RIMBP2: variants seen among roughly 807,000 people sequenced by gnomAD.
RIMBP2 encodes the protein RIMS-binding protein 2.
In RIMBP2, 48 loss-of-function variants were observed where a neutral mutation model predicts 118.6. The ratio of observed to expected loss-of-function variants is 0.40; its 90% CI spans 0.32 to 0.51. RIMBP2 has a LOEUF of 0.51. Among genes scored for constraint, RIMBP2 ranks in the 20% least tolerant of loss-of-function variants. RIMBP2 has a pLI of 0.41. For missense variants in RIMBP2, 1,551 were observed against 1,768.3 expected, an observed-to-expected ratio of 0.88 and a Z score of 2.20; for synonymous variants, 762 against 742.9, an observed-to-expected ratio of 1.03 and a Z score of -0.42.
rs571921796 is a variant in RIMBP2 at position 130,541,163 on chromosome 12, C to T, written c.-216-23246G>A. 3.9e-5 allele frequency among the ~76,000 whole-genome samples: 6 copies of T among 152,344 alleles called. No homozygotes were observed. The South Asian group carries it at 1.2e-3, about 32-fold the overall frequency. ...ATCAAAAGAAAATGAGCAGAGCACA[C>T]TGCACTCCTGGGCAATCTCTGTCTA... On this transcript the variant is annotated intron_variant, in intron 2 of 22. Coordinates refer to ENST00000690449, the MANE Select transcript of RIMBP2 (RefSeq NM_001393629.1).
At chr12:130,686,067 C>T (rs1454989496) in intron 1 of RIMBP2, among the ~76,000 whole-genome samples, 1 of 152,132 alleles carries the variant, frequency 6.6e-6, no homozygotes, top group African/African-American at 2.4e-5. Context: ...CACCGCACAC[C>T]GCCCGGCACC....
chr12:130,705,458 G>A (rs1566471242), intron 1 of RIMBP2, among the ~76,000 whole-genome samples: 1 of 152,196 alleles, frequency 6.6e-6, no homozygotes, highest in Non-Finnish European at 1.5e-5. Context: ...CGTGACTGTG[G>A]GCCACAGAAG....
chr12:130,447,065 T>A lies in RIMBP2; in HGVS notation c.582-1796A>T, dbSNP rs116864309. Among the ~76,000 whole-genome samples the A allele has an allele frequency of 7.4e-4, 110 of 147,992 alleles. 1 individual carries two copies. The East Asian group carries it at 0.022, about 29-fold the overall frequency. On this transcript the variant is annotated intron_variant, in intron 9 of 22. Transcript: ENST00000690449. This position sits in a 1 kb window ranked among gnomAD's most constrained non-coding sequence, Gnocchi z 4.4. ...GGCCGAGACACAGAAGCTGGCAGAG[T>A]GTTCTCGGAGGAGGAGGAGGAGGAG...
Position 130,486,773 on chromosome 12 carries a change from C to T in RIMBP2, c.-3-7757G>A, listed in dbSNP as rs566624504. Among the ~76,000 whole-genome samples, 7 of 152,176 alleles carry T rather than the reference C, an allele frequency of 4.6e-5. No homozygotes were observed. The East Asian group carries it at 5.8e-4, about 13-fold the overall frequency. On this transcript the variant is annotated intron_variant, in intron 4 of 22. Coordinates refer to ENST00000690449, the MANE Select transcript of RIMBP2 (RefSeq NM_001393629.1). Reference sequence around the variant, plus strand: ...CCAAACTCCCCCCACCCATGTCTGCCGTTCTCTCCTGTGTCCAACGCTGCC... The same window carrying T: ...CCAAACTCCCCCCACCCATGTCTGCTGTTCTCTCCTGTGTCCAACGCTGCC...
rs1167720824 is a variant in RIMBP2, at chr12:130,474,321, C to T, written c.103-3578G>A. ...CTGAATGTTAATGAGAATTTATCCT[C>T]GGTCATCTTATCTGCGGGATTTTGA... On this transcript the variant is annotated intron_variant, in intron 5 of 22. Transcript: ENST00000690449. 3.9e-5 allele frequency among the ~76,000 whole-genome samples: 6 copies of T among 152,338 alleles called. No individual in the cohort carries two copies. In the East Asian group the frequency reaches 1.2e-3, roughly 29 times the overall value.
chr12:130,467,310 G>A (rs934654357), intron 6 of RIMBP2, among the ~76,000 whole-genome samples: 2 of 152,198 alleles, frequency 1.3e-5, no homozygotes, highest in Non-Finnish European at 2.9e-5. Flanking sequence ...AATTGCTCCT[G>A]GAGATAACAT....
intron 2 of RIMBP2, among the ~76,000 whole-genome samples, chr12:130,611,784 C>T (rs2060571124): frequency 6.6e-6 from 1 of 152,170 alleles, no homozygotes; most frequent in South Asian, 2.1e-4. Flanking sequence ...GCAAGCAGGA[C>T]ACGGAACCCA....
rs981982041 is a variant in RIMBP2 at position 130,615,640 on chromosome 12, C to G, written c.-217+12682G>C. On this transcript the variant is annotated intron_variant, in intron 2 of 22. Coordinates refer to ENST00000690449, the MANE Select transcript of RIMBP2 (RefSeq NM_001393629.1). ...ATTCTCATTTTAATAAACCAACAAACCCCCCAAGGCCTAGCTGTGGGGATA... is the reference window on the plus strand; with the variant it reads ...ATTCTCATTTTAATAAACCAACAAAGCCCCCAAGGCCTAGCTGTGGGGATA... Among the ~76,000 whole-genome samples, 4 of 151,972 alleles carry G rather than the reference C, an allele frequency of 2.6e-5. No individual in the cohort carries two copies. In the East Asian group the frequency reaches 5.8e-4, roughly 22 times the overall value.
intron 14 of RIMBP2, among the ~76,000 whole-genome samples, chr12:130,433,184 T>G (rs1231848357): frequency 6.6e-6 from 1 of 152,242 alleles, no homozygotes; most frequent in African/African-American, 2.4e-5. Context: ...CTGTAGACAT[T>G]AAGCCGGTTT....
At chr12:130,588,641 A>G (rs2059067963) in intron 2 of RIMBP2, among the ~76,000 whole-genome samples, 1 of 152,238 alleles carries the variant, frequency 6.6e-6, no homozygotes, top group East Asian at 1.9e-4. Context: ...TTCAGGAGAC[A>G]AGAAAGCGAG....
chr12:130,511,029 T>C lies in RIMBP2; in HGVS notation c.-126-4259A>G, dbSNP rs2050861412. Among the ~76,000 whole-genome samples, 1 of 152,130 alleles carries C rather than the reference T, an allele frequency of 6.6e-6. No homozygotes were observed. On this transcript the variant is annotated intron_variant, in intron 3 of 22. Transcript: ENST00000690449. This position sits in a 1 kb window ranked among gnomAD's most constrained non-coding sequence, Gnocchi z 4.3. ...CAAATTCCTAAAGTCTGTGAATATA[T>C]CACTTTTTGTGGCAGAACGGACCCT...
At chr12:130,569,205 G>A (rs1445770551) in intron 2 of RIMBP2, among the ~76,000 whole-genome samples, 1 of 152,204 alleles carries the variant, frequency 6.6e-6, no homozygotes, top group Non-Finnish European at 1.5e-5. Context: ...GGCTCTAAGT[G>A]AACCGTGTCA....
intron 3 of RIMBP2, among the ~76,000 whole-genome samples, chr12:130,510,438 A>T (rs920894360): frequency 6.6e-6 from 1 of 151,918 alleles, no homozygotes; most frequent in Non-Finnish European, 1.5e-5. Context: ...GACAGAGTCC[A>T]TGGAGGACCT....
rs1415106683 is a variant in RIMBP2 at position 130,710,484 on chromosome 12, A to G, written c.-352+5738T>C. Among the ~76,000 whole-genome samples the G allele has an allele frequency of 1.3e-5, 2 of 152,040 alleles. No homozygotes were observed. Among genetic ancestry groups the G allele is most frequent in the African/African-American group, 2.4e-5 (1 of 41,398 alleles). ...TACACACACACACGTACACACACAC[A>G]TGTGTGCTCCCCATGAGGGCAGCAC... is the stretch of plus-strand genomic sequence containing the variant. On this transcript the variant is annotated intron_variant, in intron 1 of 22. Coordinates refer to ENST00000690449, the MANE Select transcript of RIMBP2 (RefSeq NM_001393629.1). The surrounding 1 kb of genome is among the most constrained non-coding windows in gnomAD (Gnocchi z 4.3).
chr12:130,482,451 C>T (rs1041752560), intron 4 of RIMBP2, among the ~76,000 whole-genome samples: 7 of 152,212 alleles, frequency 4.6e-5, no homozygotes, highest in Admixed American at 3.3e-4. Flanking sequence ...TGGCACGGAG[C>T]AGGATGGAGG....
chr12:130,671,363 C>A (rs191861968), intron 1 of RIMBP2, among the ~76,000 whole-genome samples: 6 of 152,156 alleles, frequency 3.9e-5, no homozygotes, highest in Non-Finnish European at 8.8e-5. Context: ...CTCTGACTTG[C>A]GTCTTTCCCT....
intron 2 of RIMBP2, among the ~76,000 whole-genome samples, chr12:130,538,904 T>C (rs2054310903): frequency 6.6e-6 from 1 of 151,822 alleles, no homozygotes; most frequent in Non-Finnish European, 1.5e-5. Flanking sequence ...CCAGGCAAGG[T>C]GGGAGGAAGC....
chr12:130,650,944 AGCCTTG>A, intron 1 of RIMBP2, among the ~76,000 whole-genome samples: 1 of 139,634 alleles, frequency 7.2e-6, no homozygotes, highest in Non-Finnish European at 1.5e-5. Context: ...AAATTTACAC[AGCCTTG>A]TTTTTTTTAA....
chr12:130,443,264 T>C (rs1593317577), intron 10 of RIMBP2, among the ~76,000 whole-genome samples: 1 of 140,454 alleles, frequency 7.1e-6, no homozygotes, highest in East Asian at 2.0e-4. Flanking sequence ...AAAAAAAAAG[T>C]CAAAGTAGCT....
Sources: gnomAD v4.1 joint callset for allele counts (sites outside exome capture counted in the v4.1 genomes callset) on GRCh38, gnomAD v4.1.1 for gene constraint, Gnocchi (gnomAD v3.1) non-coding constraint, MANE v1.5 for transcripts, NCBI Gene and HGNC (gene_info 2026-07-23, HGNC 2026-07-21) for gene names.